POGLUT3: variants seen among roughly 807,000 people sequenced by gnomAD.
POGLUT3 encodes the protein protein O-glucosyltransferase 3.
A neutral mutation model predicts 54.3 loss-of-function variants in POGLUT3; 48 were observed. The ratio of observed to expected loss-of-function variants is 0.88; its 90% CI spans 0.70 to 1.12. The LOEUF is 1.12. POGLUT3 is among the 50% of genes most tolerant of loss of function. The pLI is 0.00. For missense variants in POGLUT3, 629 were observed against 618.7 expected (o/e 1.02, Z -0.18); for synonymous variants, 218 against 237.4 (o/e 0.92, Z 0.75).
At chr11:108,492,735 T>C (rs927851704) in intron 1 of POGLUT3, among the ~76,000 whole-genome samples, 1 of 152,156 alleles carries the variant, frequency 6.6e-6, no homozygotes, top group Admixed American at 6.6e-5. Context: ...ACAAGTATGA[T>C]AAAATTACGA....
chr11:108,498,002 G>T (rs2093625363), intron 1 of POGLUT3, among the ~76,000 whole-genome samples, 163 bp downstream of exon 1: 1 of 152,160 alleles, frequency 6.6e-6, no homozygotes, highest in Admixed American at 6.5e-5. Flanking sequence ...ATTTTTGCCC[G>T]CTTTGAGTAT....
chr11:108,494,187 T>A (rs1291300776), intron 1 of POGLUT3, among the ~76,000 whole-genome samples: 4 of 152,174 alleles, frequency 2.6e-5, no homozygotes, highest in Admixed American at 2.6e-4. Context: ...AGAGCCAATA[T>A]TTGAATGTAG....
chr11:108,482,076 G>A lies in POGLUT3; in HGVS notation c.831C>T (p.Asp277=), dbSNP rs754657381. ...TGGCTTCAAGCATGGAGTGGGTGAT[G>A]TCATACGTTGGAAGGACAACATCTC... ...DSRDVVLPTY[D]ITHSMLEAMR... Residue 277 remains aspartate (D), a synonymous_variant, in exon 4 of 8, where the codon GAC becomes GAT. Transcript: ENST00000323468. 4 of 1,614,018 alleles carry A rather than the reference G, an allele frequency of 2.5e-6. No homozygotes were observed. Among genetic ancestry groups the A allele is most frequent in the Admixed American group, 3.3e-5 (2 of 59,988 alleles).
At chr11:108,476,195 G>A (rs529132029) in intron 7 of POGLUT3, among the ~76,000 whole-genome samples, 40 of 152,248 alleles carry the variant, frequency 2.6e-4, no homozygotes, top group African/African-American at 9.1e-4. Flanking sequence ...GTGCAGTGGT[G>A]CAATCTAGGC....
intron 5 of POGLUT3, among the ~76,000 whole-genome samples, chr11:108,480,969 G>A (rs928399310): frequency 3.2e-4 from 48 of 151,364 alleles, no homozygotes; most frequent in Middle Eastern, 3.2e-3. Context: ...TATATTTTGA[G>A]AATTAAGTAC....
chr11:108,478,280 A>G (rs1190102554), intron 6 of POGLUT3: 2 of 153,176 alleles, frequency 1.3e-5, no homozygotes, highest in Non-Finnish European at 2.9e-5. Flanking sequence ...CCCCTCTTCC[A>G]CAGTACTAGG....
At chr11:108,483,591 T>C (rs1399677356) in intron 3 of POGLUT3, among the ~76,000 whole-genome samples, 1 of 152,200 alleles carries the variant, frequency 6.6e-6, no homozygotes, top group Admixed American at 6.5e-5. Flanking sequence ...GATTTATTTC[T>C]TCCCCAGCCA....
At chr11:108,475,454 G>GTTTTTTTTTTTTTTTTT (rs1182179068) in intron 7 of POGLUT3, among the ~76,000 whole-genome samples, 2 of 109,350 alleles carry the variant, frequency 1.8e-5, no homozygotes, top group Admixed American at 1.1e-4. Context: ...TATAAATGGA[G>GTTTTTTTTTTTTTTTTT]TTTTTTTTGT....
chr11:108,483,204 C>T (rs1255018162), intron 3 of POGLUT3, among the ~76,000 whole-genome samples: 2 of 152,228 alleles, frequency 1.3e-5, no homozygotes, highest in African/African-American at 4.8e-5. Flanking sequence ...CTCTGGCTGG[C>T]ATTCAAGGCC....
At chr11:108,490,478 G>A (rs191663353) in intron 2 of POGLUT3, among the ~76,000 whole-genome samples, 42 of 152,244 alleles carry the variant, frequency 2.8e-4, no homozygotes, top group African/African-American at 1.0e-3. Flanking sequence ...TGGGATTACA[G>A]ATGTGAGCCA....
In POGLUT3 at chr11:108,491,177, A is replaced by G. The variant is rs1333199366; in HGVS notation, c.203-10T>C. 4 of 1,591,884 alleles carry G rather than the reference A, an allele frequency of 2.5e-6. No homozygotes were observed. In the African/African-American group the frequency reaches 4.0e-5, roughly 16 times the overall value. On this transcript the variant is annotated splice_polypyrimidine_tract_variant and intron_variant, in intron 1 of 7. Coordinates refer to ENST00000323468, the MANE Select transcript of POGLUT3 (RefSeq NM_153705.5). ...TTGAATGGTGTTTCACCTAAAAGGA[A>G]AAGAAATATAAACAACTCTACCATG... is the stretch of plus-strand genomic sequence containing the variant.
intron 1 of POGLUT3, among the ~76,000 whole-genome samples, chr11:108,495,239 C>T (rs933164901): frequency 6.6e-6 from 1 of 152,078 alleles, no homozygotes; most frequent in Non-Finnish European, 1.5e-5. Context: ...GGCACAATCT[C>T]AGCTCAATGC....
chr11:108,497,584 C>T (rs1431933428), intron 1 of POGLUT3, among the ~76,000 whole-genome samples: 1 of 152,248 alleles, frequency 6.6e-6, no homozygotes, highest in Non-Finnish European at 1.5e-5. Flanking sequence ...CCATCTCACC[C>T]TCCGTGGAGG....
intron 1 of POGLUT3, among the ~76,000 whole-genome samples, chr11:108,497,911 C>A (rs1025966666): frequency 6.6e-6 from 1 of 152,232 alleles, no homozygotes; most frequent in Non-Finnish European, 1.5e-5. Context: ...GCCGTCCATT[C>A]GCAACATCAG....
At chr11:108,493,524 C>T (rs967734256) in intron 1 of POGLUT3, among the ~76,000 whole-genome samples, 2 of 152,112 alleles carry the variant, frequency 1.3e-5, no homozygotes, top group Admixed American at 6.6e-5. Flanking sequence ...TGAGGCTCAA[C>T]GGCAGGCGTG....
intron 3 of POGLUT3, among the ~76,000 whole-genome samples, chr11:108,484,725 C>T (rs932184927): frequency 6.6e-6 from 1 of 152,166 alleles, no homozygotes; most frequent in African/African-American, 2.4e-5. Flanking sequence ...CACTGCACTC[C>T]AGCCAGGGTG....
chr11:108,481,299 G>A lies in POGLUT3; in HGVS notation c.979C>T (p.Gln327Ter), dbSNP rs531163791. ...AGCTGAGGATTTTCTTTGGACAGCT[G>A]TACCAACTGGAGCCTCTCCTCTCGG... ...DSREERLQLV[Q>*]LSKENPQLLD... The change falls in exon 5 of 8, where the codon CAG (glutamine) becomes TAG (stop). Residue 327 changes from glutamine (Q) to a stop codon, truncating the protein, a stop_gained. Coordinates refer to ENST00000323468, the MANE Select transcript of POGLUT3 (RefSeq NM_153705.5). LOFTEE classifies it high-confidence loss of function. 3 of 1,612,730 alleles carry A rather than the reference G, an allele frequency of 1.9e-6. No individual in the cohort carries two copies. The highest frequency in any genetic ancestry group is 1.3e-5 in the African/African-American group (1 of 74,854).
chr11:108,481,490 A>C (rs1323414512), intron 4 of POGLUT3, 114 bp from the exon 5 acceptor site: 1 of 798,904 alleles, frequency 1.3e-6, no homozygotes, highest in Non-Finnish European at 1.8e-6. Context: ...CTCTTTTATC[A>C]ACTCATCTTC....
intron 1 of POGLUT3, among the ~76,000 whole-genome samples, chr11:108,494,824 C>T (rs1384471576): frequency 1.3e-5 from 2 of 152,126 alleles, no homozygotes; most frequent in African/African-American, 2.4e-5. Context: ...TATTTCTTTT[C>T]ATCTACAATA....
Sources: allele counts gnomAD v4.1 joint callset (sites outside exome capture counted in the v4.1 genomes callset), GRCh38; gene constraint gnomAD v4.1.1; transcripts MANE v1.5; gene names NCBI Gene and HGNC (gene_info 2026-07-23, HGNC 2026-07-21).